Variants in TMC7 observed in about 807,000 individuals in gnomAD.
TMC7 encodes transmembrane channel like 7, also known as transmembrane channel-like protein 7.
In TMC7, 54 loss-of-function variants were observed where a neutral mutation model predicts 82.9. The ratio of observed to expected loss-of-function variants is 0.65; its 90% CI spans 0.52 to 0.82. The LOEUF (loss-of-function observed/expected upper bound fraction) is 0.82, where lower values mean the gene tolerates loss of function less well. Ranked by LOEUF, TMC7 falls within the 40% of genes least tolerant of loss-of-function variation. The pLI, the probability that TMC7 is intolerant of heterozygous loss-of-function variation, is 0.00. For missense variants in TMC7, 820 were observed against 901.2 expected (o/e 0.91, Z 1.15); for synonymous variants, 350 against 337.9 (o/e 1.04, Z -0.39).
intron 1 of TMC7, among the ~76,000 whole-genome samples, chr16:18,991,724 A>C (rs1423154049): frequency 6.6e-6 from 1 of 151,920 alleles, no homozygotes; most frequent in East Asian, 1.9e-4. Context: ...TCCTAATGCT[A>C]TCCCTCCCCC....
chr16:19,017,670 T>G (rs1405153460), intron 3 of TMC7, among the ~76,000 whole-genome samples: 2 of 129,848 alleles, frequency 1.5e-5, no homozygotes, highest in African/African-American at 7.6e-5. Flanking sequence ...AAAAACAGTT[T>G]TTTTTTTTTT....
intron 1 of TMC7, among the ~76,000 whole-genome samples, chr16:18,993,502 A>G (rs750965611): frequency 1.3e-5 from 2 of 152,232 alleles, no homozygotes. Context: ...AATAGGAGTG[A>G]CCAATGAGAA....
rs144113105 is a variant in TMC7 at position 19,028,256 on chromosome 16, G to A, written c.712-1968G>A. On this transcript the variant is annotated intron_variant, in intron 5 of 15. Coordinates refer to ENST00000304381, the MANE Select transcript of TMC7 (RefSeq NM_024847.4). Reference sequence around the variant, plus strand: ...TCCCACCATAAGAAGTCAGTCAGCCGGGCACAGTGGCTCAAAACCTGTAAT... The same window carrying A: ...TCCCACCATAAGAAGTCAGTCAGCCAGGCACAGTGGCTCAAAACCTGTAAT... 2.9e-3 allele frequency among the ~76,000 whole-genome samples: 447 copies of A among 152,172 alleles called. 1 individual carries two copies. Among genetic ancestry groups the A allele is most frequent in the Admixed American group, 9.9e-3 (151 of 15,258 alleles).
chr16:19,035,434 G>T (rs956188649), intron 6 of TMC7, among the ~76,000 whole-genome samples: 2 of 152,066 alleles, frequency 1.3e-5, no homozygotes, highest in Non-Finnish European at 2.9e-5. Flanking sequence ...TAAAAGTTGG[G>T]GAAGAAAATT....
intron 1 of TMC7, among the ~76,000 whole-genome samples, chr16:18,997,822 C>T (rs1305712705): frequency 4.0e-5 from 6 of 151,202 alleles, no homozygotes; most frequent in South Asian, 4.2e-4. Context: ...CTCCGCCTCC[C>T]GGGTTCACAC....
At chr16:19,026,476 CA>C (rs567272137) in intron 5 of TMC7, among the ~76,000 whole-genome samples, 1,684 of 110,962 alleles carry the variant, frequency 0.015, 20 homozygotes, top group Middle Eastern at 0.071. Flanking sequence ...GACTCCGTCT[CA>C]AAAAAAAAAA....
chr16:18,997,472 C>T (rs2039063194), intron 1 of TMC7, among the ~76,000 whole-genome samples: 2 of 151,980 alleles, frequency 1.3e-5, no homozygotes, highest in Admixed American at 6.6e-5. Flanking sequence ...TGGATTCAAG[C>T]GATTCTCCTG....
At chr16:19,043,775 T>C (rs1212604390) in intron 9 of TMC7, among the ~76,000 whole-genome samples, 1 of 152,158 alleles carries the variant, frequency 6.6e-6, no homozygotes, top group Non-Finnish European at 1.5e-5. Context: ...TTTCTCCATG[T>C]TGGTCAGGCT....
chr16:19,052,582 T>TG (rs1427146237), intron 13 of TMC7, among the ~76,000 whole-genome samples: 6 of 152,000 alleles, frequency 3.9e-5, no homozygotes, highest in Non-Finnish European at 8.8e-5. Context: ...GAGGCCCAGG[T>TG]GGGGGTACTG....
At chr16:19,021,508 A>C (rs1959973483) in intron 3 of TMC7, 121 bp from the exon 4 acceptor site, 1 of 1,086,620 alleles carries the variant, frequency 9.2e-7, no homozygotes. Flanking sequence ...AAAAAAATAA[A>C]ACGTTTCTTC....
chr16:19,048,363 G>A (rs1961382788), intron 12 of TMC7, among the ~76,000 whole-genome samples: 1 of 152,052 alleles, frequency 6.6e-6, no homozygotes, highest in Non-Finnish European at 1.5e-5. Context: ...GCTAATGAGG[G>A]ATGTAGCCTT....
In TMC7 at chr16:19,035,684, A is replaced by G; in HGVS notation, c.866A>G (p.Glu289Gly). ...TTGTGTTTTGGGGTCAGGTCGGTGGAAGGATTCAAAATCAACCTGATTCGG... is the reference window on the plus strand; with the variant it reads ...TTGTGTTTTGGGGTCAGGTCGGTGGGAGGATTCAAAATCAACCTGATTCGG... ...SLLWIVKRSV[E>G]GFKINLIRSE... The change falls in exon 7 of 16, where the codon GAA (glutamate) becomes GGA (glycine). Residue 289 changes from glutamate to glycine, a missense_variant. Glu to Gly is a moderately conservative substitution (Grantham distance 98). Transcript: ENST00000304381. 2 of 1,614,136 alleles carry G rather than the reference A, an allele frequency of 1.2e-6. No homozygotes were observed. Among genetic ancestry groups the G allele is most frequent in the Non-Finnish European group, 1.7e-6 (2 of 1,180,014 alleles).
chr16:19,006,803 G>GT (rs968780075), intron 1 of TMC7, among the ~76,000 whole-genome samples: 7 of 151,802 alleles, frequency 4.6e-5, no homozygotes, highest in Non-Finnish European at 8.8e-5. Flanking sequence ...TGCCCCAGGG[G>GT]TTTTTTTTGT....
Position 19,016,541 on chromosome 16 carries a change from G to T in TMC7, c.403G>T (p.Ala135Ser). 1.2e-6 allele frequency: 2 copies of T among 1,614,164 alleles called. No homozygotes were observed. Among genetic ancestry groups the T allele is most frequent in the African/African-American group, 1.3e-5 (1 of 75,052 alleles). The change falls in exon 3 of 16, where the codon GCT becomes TCT. Residue 135 changes from alanine to serine, a missense_variant. Ala to Ser is a moderately conservative substitution (Grantham distance 99, BLOSUM62 1). This residue lies in a region of TMC7 where 650 missense variants were observed against 669.9 expected (regional missense o/e 0.97). Coordinates refer to ENST00000304381, the MANE Select transcript of TMC7 (RefSeq NM_024847.4). ...GTCTTGGAAGAGGTTCCTAGAGAAGGCTCGAGAGATGACGACCCACCTGGA... is the reference window on the plus strand; with the variant it reads ...GTCTTGGAAGAGGTTCCTAGAGAAGTCTCGAGAGATGACGACCCACCTGGA... Reference protein sequence around the residue: ...SKSWKRFLEKAREMTTHLELW... With the variant: ...SKSWKRFLEKSREMTTHLELW...
At chr16:18,997,344 G>A (rs2039060858) in intron 1 of TMC7, among the ~76,000 whole-genome samples, 1 of 152,146 alleles carries the variant, frequency 6.6e-6, no homozygotes, top group Admixed American at 6.5e-5. Context: ...TCAAAGTGCT[G>A]GGATTACAGG....
At chr16:19,051,944 G>C in intron 13 of TMC7, 128 bp downstream of exon 13, 1 of 1,287,908 alleles carries the variant, frequency 7.8e-7, no homozygotes, top group Non-Finnish European at 1.1e-6. Context: ...ACCCAGGCTG[G>C]AGTGTGGTGG....
chr16:18,984,212 G>A, intron 1 of TMC7, 82 bp downstream of exon 1: 5 of 1,385,734 alleles, frequency 3.6e-6, no homozygotes, highest in Non-Finnish European at 3.7e-6. Context: ...TGGAGGCTCG[G>A]CCTGGCCGCT....
chr16:19,059,427 T>G lies in TMC7; in HGVS notation c.2039T>G (p.Phe680Cys). The G allele has an allele frequency of 6.2e-7, 1 of 1,613,892 alleles. No homozygotes were observed. Among genetic ancestry groups the G allele is most frequent in the Non-Finnish European group, 8.5e-7 (1 of 1,179,958 alleles). The change falls in exon 15 of 16, where the codon TTT becomes TGT. Residue 680 changes from phenylalanine to cysteine, a missense_variant. Phe to Cys is a radical substitution (Grantham distance 205). Coordinates refer to ENST00000304381, the MANE Select transcript of TMC7 (RefSeq NM_024847.4). ...PFFMIICLIM[F>C]YFIALAGAHK... ...GTCTTGTGTTGCAGCCTCATCATGT[T>G]TTACTTCATTGCCTTAGCTGGAGCA... is the stretch of plus-strand genomic sequence containing the variant.
chr16:18,984,469 G>A (rs754871386), intron 1 of TMC7: 21 of 1,114,478 alleles, frequency 1.9e-5, no homozygotes, highest in Non-Finnish European at 2.0e-5. Context: ...CCCCCTCCAC[G>A]CCTAACATTC....
Sources: gnomAD v4.1 joint callset for allele counts (sites outside exome capture counted in the v4.1 genomes callset) on GRCh38, gnomAD v4.1.1 for gene constraint, gnomAD v4.1.1 regional missense constraint, MANE v1.5 for transcripts, NCBI Gene and HGNC (gene_info 2026-07-23, HGNC 2026-07-21) for gene names.